Variants in DCDC1 observed in about 807,000 individuals in gnomAD.
DCDC1 encodes doublecortin domain containing 1.
DCDC1 carries 200 observed loss-of-function variants against 178.3 expected under a neutral mutation model. The ratio of observed to expected loss-of-function variants is 1.12; its 90% CI spans 1.00 to 1.26. The LOEUF (loss-of-function observed/expected upper bound fraction) is 1.26, where lower values mean the gene tolerates loss of function less well. Among genes scored for constraint, DCDC1 ranks in the 50% most tolerant of loss-of-function variants. The probability of loss-of-function intolerance (pLI) is 0.00; values close to 1 mark genes in which losing one functional copy is unlikely to be tolerated. For synonymous variants in DCDC1, 690 were observed against 604.8 expected (o/e 1.14, Z -2.07); for missense variants, 1,983 against 1,749.2 (o/e 1.13, Z -2.38).
At chr11:31,086,327 C>T (rs180881029) in intron 17 of DCDC1, among the ~76,000 whole-genome samples, 118 of 152,262 alleles carry the variant, frequency 7.7e-4, no homozygotes, top group African/African-American at 2.5e-3. Flanking sequence ...GTTTATTTGG[C>T]ATTCCCCTAA....
chr11:31,117,796 A>C (rs1308729023), intron 11 of DCDC1, among the ~76,000 whole-genome samples: 2 of 152,148 alleles, frequency 1.3e-5, no homozygotes, highest in African/African-American at 4.8e-5. Context: ...ACAGTGGCAA[A>C]GGAAATTTGC....
At chr11:31,327,936 G>C (rs61879884) in intron 3 of DCDC1, among the ~76,000 whole-genome samples, 181 bp downstream of exon 3, 46,452 of 151,840 alleles carry the variant, frequency 0.31, 8,036 homozygotes, top group Non-Finnish European at 0.38. Context: ...CACCATGTTG[G>C]CCAGGCTGGT....
chr11:30,905,247 T>C, intron 30 of DCDC1, 83 bp from the exon 31 acceptor site: 4 of 1,345,804 alleles, frequency 3.0e-6, no homozygotes, highest in Non-Finnish European at 4.1e-6. Context: ...AATAAATGTG[T>C]GTATACGTGT....
intron 11 of DCDC1, among the ~76,000 whole-genome samples, chr11:31,119,303 T>C (rs1960453827): frequency 6.6e-6 from 1 of 152,240 alleles, no homozygotes; most frequent in South Asian, 2.1e-4. Flanking sequence ...TAACCTTGAA[T>C]ATTCCAATTT....
chr11:31,298,193 T>G lies in DCDC1; in HGVS notation c.755-7341A>C, dbSNP rs551104031. ...TTCTTGAATCTCTACCTTTTTCCCT[T>G]TGGACTGTTCTTGAATCACTACCTT... On this transcript the variant is annotated intron_variant, in intron 6 of 38. Transcript: ENST00000684477. Among the ~76,000 whole-genome samples, 7 of 152,324 alleles carry G rather than the reference T, an allele frequency of 4.6e-5. No individual in the cohort carries two copies. In the East Asian group the frequency reaches 1.4e-3, roughly 29 times the overall value.
chr11:31,283,186 G>A (rs191687473), intron 7 of DCDC1, among the ~76,000 whole-genome samples: 3 of 152,158 alleles, frequency 2.0e-5, no homozygotes, highest in Admixed American at 2.0e-4. Flanking sequence ...GTCTTTCTAG[G>A]GCTCCAATTA....
rs190125595 is a variant in DCDC1, at chr11:30,950,916, C to T, written c.2715+1529G>A. 8.5e-5 allele frequency among the ~76,000 whole-genome samples: 13 copies of T among 152,142 alleles called. No homozygotes were observed. In the South Asian group the frequency reaches 1.7e-3, roughly 19 times the overall value. On this transcript the variant is annotated intron_variant, in intron 21 of 38. Transcript: ENST00000684477. ...CTTGAGGTGATGGATACTCTAATTA[C>T]TCTGATTTTATCATTACACACTACA...
chr11:31,279,140 T>C (rs1387907804), intron 7 of DCDC1, among the ~76,000 whole-genome samples: 1 of 152,186 alleles, frequency 6.6e-6, no homozygotes, highest in Non-Finnish European at 1.5e-5. Context: ...AATTATTTGT[T>C]GTTTTCACTG....
At chr11:30,981,272 A>C (rs1378033075) in intron 20 of DCDC1, among the ~76,000 whole-genome samples, 1 of 152,040 alleles carries the variant, frequency 6.6e-6, no homozygotes, top group Non-Finnish European at 1.5e-5. Flanking sequence ...GCACACTAGA[A>C]CCCCAAATCT....
intron 9 of DCDC1, among the ~76,000 whole-genome samples, chr11:31,194,023 C>T (rs1192751105): frequency 6.6e-6 from 1 of 152,024 alleles, no homozygotes; most frequent in African/African-American, 2.4e-5. Context: ...ACGGGAAAAT[C>T]TACAAGGTCC....
intron 9 of DCDC1, among the ~76,000 whole-genome samples, chr11:31,229,082 T>G (rs1440366591): frequency 6.6e-6 from 1 of 152,048 alleles, no homozygotes; most frequent in African/African-American, 2.4e-5. Context: ...TAAATAACTA[T>G]ATGTCTACTA....
At chr11:31,350,279 C>T (rs1350111525) in intron 1 of DCDC1, among the ~76,000 whole-genome samples, 2 of 151,864 alleles carry the variant, frequency 1.3e-5, no homozygotes, top group Non-Finnish European at 2.9e-5. Context: ...TTTAATTATT[C>T]AATTTTTAAA....
At chr11:30,935,656 C>A (rs1219697894) in intron 21 of DCDC1, among the ~76,000 whole-genome samples, 3 of 151,884 alleles carry the variant, frequency 2.0e-5, no homozygotes, top group African/African-American at 7.3e-5. Context: ...CAGGTTCAAG[C>A]GATTCTCCTG....
At chr11:31,085,926 C>T (rs914693437) in intron 17 of DCDC1, among the ~76,000 whole-genome samples, 14 of 152,182 alleles carry the variant, frequency 9.2e-5, no homozygotes, top group South Asian at 2.1e-4. Flanking sequence ...CAGGGTCTCA[C>T]TATGTTGCCC....
intron 9 of DCDC1, among the ~76,000 whole-genome samples, chr11:31,164,399 C>T (rs935186114): frequency 6.6e-6 from 1 of 152,068 alleles, no homozygotes; most frequent in African/African-American, 2.4e-5. Flanking sequence ...CAGAAGAAAG[C>T]ATCATTATAA....
At chr11:31,284,728 T>C (rs1360289682) in intron 7 of DCDC1, among the ~76,000 whole-genome samples, 1 of 151,900 alleles carries the variant, frequency 6.6e-6, no homozygotes, top group Non-Finnish European at 1.5e-5. Flanking sequence ...AGCCTCTGCC[T>C]CTAAGGTTCA....
At chr11:30,869,033 T>C (rs1270026148) in intron 38 of DCDC1, among the ~76,000 whole-genome samples, 6 of 152,218 alleles carry the variant, frequency 3.9e-5, no homozygotes, top group Admixed American at 2.6e-4. Context: ...CCACAAATCA[T>C]CACGCTTGTG....
At chr11:30,909,245 C>G in intron 28 of DCDC1, 129 bp from the exon 29 acceptor site, 1 of 641,828 alleles carries the variant, frequency 1.6e-6, no homozygotes, top group Non-Finnish European at 2.3e-6. Flanking sequence ...ACAACTACTA[C>G]TCTTGAAATT....
intron 20 of DCDC1, among the ~76,000 whole-genome samples, chr11:30,953,165 TAA>T (rs1370045531): frequency 3.3e-5 from 5 of 151,078 alleles, no homozygotes; most frequent in African/African-American, 1.2e-4. Flanking sequence ...AAAAATGGAA[TAA>T]GTCATATATT....
Sources: gnomAD v4.1 joint callset for allele counts (sites outside exome capture counted in the v4.1 genomes callset) on GRCh38, gnomAD v4.1.1 for gene constraint, MANE v1.5 for transcripts, NCBI Gene and HGNC (gene_info 2026-07-23, HGNC 2026-07-21) for gene names.